The following ITPK1 variants were observed in gnomAD, a reference collection of about 807,000 sequenced individuals.
ITPK1 encodes inositol-tetrakisphosphate 1-kinase.
ITPK1 carries 21 observed loss-of-function variants against 45.3 expected under a neutral mutation model. The ratio of observed to expected loss-of-function variants is 0.46; its 90% CI spans 0.33 to 0.67. The LOEUF is 0.67. Among genes scored for constraint, ITPK1 ranks in the 30% least tolerant of loss-of-function variants. The probability of loss-of-function intolerance (pLI) is 0.02; values close to 1 mark genes in which losing one functional copy is unlikely to be tolerated. For missense variants in ITPK1, 474 were observed against 573.5 expected (o/e 0.83, Z 1.77); for synonymous variants, 258 against 253.6 (o/e 1.02, Z -0.16).
Position 93,076,319 on chromosome 14 carries a change from C to T in ITPK1, c.120+276G>A, listed in dbSNP as rs1891216216. ...CTCACCCTTCCCACACCCACCCTAA[C>T]CTGACCACTGCCATGCACACCCCCC... On this transcript the variant is annotated intron_variant, in intron 3 of 10. Coordinates refer to ENST00000267615, the MANE Select transcript of ITPK1 (RefSeq NM_014216.6). The surrounding 1 kb of genome is among the most constrained non-coding windows in gnomAD (Gnocchi z 4.3). Among the ~76,000 whole-genome samples, 1 of 152,072 alleles carries T rather than the reference C, an allele frequency of 6.6e-6. No individual in the cohort carries two copies. The highest frequency in any genetic ancestry group is 2.1e-4 in the South Asian group (1 of 4,824).
At chr14:93,085,697 G>A (rs1891622832) in intron 2 of ITPK1, among the ~76,000 whole-genome samples, 1 of 152,150 alleles carries the variant, frequency 6.6e-6, no homozygotes, top group Non-Finnish European at 1.5e-5. Flanking sequence ...CACATCCAAG[G>A]GGCCACCACT....
chr14:92,994,033 G>A (rs574345529), intron 4 of ITPK1, 36 bp from the exon 5 acceptor site: 3 of 1,335,606 alleles, frequency 2.2e-6, no homozygotes, highest in African/African-American at 1.4e-5. Context: ...TTAGAGCAGG[G>A]GTAGGGCCAG....
chr14:93,102,513 C>T (rs1892362338), intron 2 of ITPK1, among the ~76,000 whole-genome samples: 1 of 152,236 alleles, frequency 6.6e-6, no homozygotes, highest in Non-Finnish European at 1.5e-5. Context: ...TGGCTCACAC[C>T]TGTAATCCCA....
intron 7 of ITPK1, among the ~76,000 whole-genome samples, chr14:92,960,130 C>T (rs1218462057): frequency 6.6e-6 from 1 of 152,212 alleles, no homozygotes; most frequent in Admixed American, 6.5e-5. Flanking sequence ...TCTCTGAGTA[C>T]ATGGGACGTG....
intron 10 of ITPK1, among the ~76,000 whole-genome samples, chr14:92,943,253 C>T (rs910029997): frequency 6.6e-6 from 1 of 152,236 alleles, no homozygotes; most frequent in East Asian, 1.9e-4. Context: ...GTGATGACGT[C>T]CATGGCGTTC....
At chr14:92,962,613 G>C in intron 6 of ITPK1, 138 bp downstream of exon 6, 1 of 774,552 alleles carries the variant, frequency 1.3e-6, no homozygotes, top group East Asian at 2.6e-5. Context: ...GGTGTGGGTG[G>C]AGGTGGGACC....
At chr14:93,057,046 G>A (rs1009367214) in intron 3 of ITPK1, among the ~76,000 whole-genome samples, 11 of 152,146 alleles carry the variant, frequency 7.2e-5, no homozygotes, top group African/African-American at 2.4e-4. Flanking sequence ...CTTAGAAAGC[G>A]CCTGGCTCAC....
chr14:92,948,682 G>A (rs906880354), intron 9 of ITPK1, among the ~76,000 whole-genome samples: 3 of 152,102 alleles, frequency 2.0e-5, no homozygotes, highest in Non-Finnish European at 4.4e-5. Context: ...CGACAGGGCT[G>A]GGGACAGAGC....
At chr14:93,041,171 G>A (rs1455131064) in intron 3 of ITPK1, among the ~76,000 whole-genome samples, 1 of 152,172 alleles carries the variant, frequency 6.6e-6, no homozygotes, top group East Asian at 1.9e-4. Context: ...TATCCCACAG[G>A]CACTAGCATC....
Position 92,938,411 on chromosome 14 carries a change from G to T in ITPK1, c.*3150C>A. On this transcript the variant is annotated 3_prime_UTR_variant, in exon 11 of 11. Transcript: ENST00000267615. ...GACAAACGACAGGCTGGCTCCCTTG[G>T]TCTTGGGGTGGCTGTCTGGCAGGCA... 8.3e-7 allele frequency: 1 copy of T among 1,200,634 alleles called. No homozygotes were observed. Among genetic ancestry groups the T allele is most frequent in the African/African-American group, 1.5e-5 (1 of 67,070 alleles). 74.4% of individuals were successfully genotyped at this position (1,200,634 alleles called of 1,614,324 possible).
chr14:93,083,151 C>T lies in ITPK1; in HGVS notation c.96-6532G>A, dbSNP rs185320612. On this transcript the variant is annotated intron_variant, in intron 2 of 10. Transcript: ENST00000267615. ...GTGATGAGGAGCAGAGACACGTCCA[C>T]GGCATCCACGCCACCACCAAGCCAC... Among the ~76,000 whole-genome samples, 861 of 152,234 alleles carry T rather than the reference C, an allele frequency of 5.7e-3. 6 individuals are homozygous for T. Among genetic ancestry groups the T allele is most frequent in the African/African-American group, 0.018 (749 of 41,520 alleles).
chr14:93,066,185 C>T (rs1332333951), intron 3 of ITPK1: 1 of 452,702 alleles, frequency 2.2e-6, no homozygotes, highest in Non-Finnish European at 4.4e-6. Flanking sequence ...ATTCACTCAC[C>T]CAGTAGACAC....
chr14:92,960,080 A>G (rs1884982047), intron 7 of ITPK1, among the ~76,000 whole-genome samples: 1 of 152,212 alleles, frequency 6.6e-6, no homozygotes, highest in Non-Finnish European at 1.5e-5. Flanking sequence ...ACGTCCCTGC[A>G]ATGCTAACAT....
At chr14:93,005,962 C>T (rs1434655278) in intron 4 of ITPK1, among the ~76,000 whole-genome samples, 2 of 152,158 alleles carry the variant, frequency 1.3e-5, no homozygotes, top group African/African-American at 4.8e-5. Context: ...TGTACAGGGG[C>T]TGTGCAGCGA....
intron 2 of ITPK1, among the ~76,000 whole-genome samples, chr14:93,086,425 C>T (rs899430629): frequency 6.6e-6 from 1 of 152,232 alleles, no homozygotes; most frequent in African/African-American, 2.4e-5. Flanking sequence ...GTTGTCTTTG[C>T]CCTGCTGCTG....
At chr14:93,092,049 C>G (rs1276983384) in intron 2 of ITPK1, among the ~76,000 whole-genome samples, 3 of 152,232 alleles carry the variant, frequency 2.0e-5, no homozygotes, top group African/African-American at 7.2e-5. Flanking sequence ...TCATTCCCCA[C>G]TTTTTACACA....
At chr14:93,110,997 G>A (rs2140039358) in intron 2 of ITPK1, among the ~76,000 whole-genome samples, 1 of 150,518 alleles carries the variant, frequency 6.6e-6, no homozygotes, top group South Asian at 2.1e-4. Context: ...CCCAACGAGG[G>A]ATGTCCTCAT....
chr14:93,109,101 G>C (rs1170492207), intron 2 of ITPK1, among the ~76,000 whole-genome samples: 4 of 152,156 alleles, frequency 2.6e-5, no homozygotes, highest in African/African-American at 9.7e-5. Flanking sequence ...CCAGGCAAGG[G>C]GACGGGGTAT....
At chr14:93,015,066 C>T (rs1482282399) in intron 4 of ITPK1, among the ~76,000 whole-genome samples, 1 of 152,188 alleles carries the variant, frequency 6.6e-6, no homozygotes, top group Non-Finnish European at 1.5e-5. Flanking sequence ...GAGGCAGGAG[C>T]AAATGGCTCA....
Sources: gnomAD v4.1 joint callset for allele counts (sites outside exome capture counted in the v4.1 genomes callset) on GRCh38, gnomAD v4.1.1 for gene constraint, Gnocchi (gnomAD v3.1) non-coding constraint, MANE v1.5 for transcripts, NCBI Gene and HGNC (gene_info 2026-07-23, HGNC 2026-07-21) for gene names.